ARHGEF38: variants seen among roughly 807,000 people sequenced by gnomAD.
ARHGEF38 encodes the protein Rho guanine nucleotide exchange factor (GEF) 38.
Under a neutral mutation model 79.9 loss-of-function variants are expected in ARHGEF38, and 79 were observed. The ratio of observed to expected loss-of-function variants is 0.99; its 90% CI spans 0.82 to 1.19. ARHGEF38 has a LOEUF of 1.19. ARHGEF38 is among the 50% of genes most tolerant of loss of function. ARHGEF38 has a pLI of 0.00. For missense variants in ARHGEF38, 962 were observed against 907.2 expected (o/e 1.06, Z -0.78); for synonymous variants, 366 against 328.3 (o/e 1.11, Z -1.24).
Position 105,589,239 on chromosome 4 carries a change from A to C in ARHGEF38, c.197-9A>C, listed in dbSNP as rs374314308. ...GAATGCCTCACCTGTATATGTTTTC[A>C]TTTAACAGAAAAGATGACTCCACAG... is the stretch of plus-strand genomic sequence containing the variant. On this transcript the variant is annotated splice_polypyrimidine_tract_variant and intron_variant, in intron 1 of 13. Coordinates refer to ENST00000420470, the MANE Select transcript of ARHGEF38 (RefSeq NM_001242729.2). The C allele has an allele frequency of 6.2e-7, 1 of 1,602,628 alleles. No individual in the cohort carries two copies. The highest frequency in any genetic ancestry group is 8.5e-7 in the Non-Finnish European group (1 of 1,176,666).
At chr4:105,626,949 GCACT>G (rs957797021) in intron 3 of ARHGEF38, among the ~76,000 whole-genome samples, 2 of 151,136 alleles carry the variant, frequency 1.3e-5, no homozygotes, top group African/African-American at 4.9e-5. Flanking sequence ...CTTGCTTTTT[GCACT>G]CACTCAGAGG....
chr4:105,631,200 G>T lies in ARHGEF38; in HGVS notation c.656+155G>T, dbSNP rs1432912012. 4 of 1,281,102 alleles carry T rather than the reference G, an allele frequency of 3.1e-6. No homozygotes were observed. The African/African-American group carries it at 4.6e-5, about 15-fold the overall frequency. The allele number at this position is 1,281,102 out of a possible 1,614,324, so 79.4% of individuals were successfully genotyped here. On this transcript the variant is annotated intron_variant, in intron 4 of 13. Coordinates refer to ENST00000420470, the MANE Select transcript of ARHGEF38 (RefSeq NM_001242729.2). ...CATTCCCTTTATAAAAAGCTGACAT[G>T]CCAGAAGCCCTGATTGACTTTTTTT...
chr4:105,598,602 A>G (rs887917961), intron 2 of ARHGEF38, among the ~76,000 whole-genome samples: 8 of 152,146 alleles, frequency 5.3e-5, no homozygotes, highest in Non-Finnish European at 1.0e-4. Context: ...CTTTACAAAT[A>G]CCGATTTTCA....
intron 5 of ARHGEF38, among the ~76,000 whole-genome samples, chr4:105,643,138 T>G (rs1729691115): frequency 6.6e-6 from 1 of 151,242 alleles, no homozygotes; most frequent in African/African-American, 2.4e-5. Context: ...TGTTAGTTTT[T>G]TTTTTTCAGT....
chr4:105,645,376 G>A lies in ARHGEF38; in HGVS notation c.863G>A (p.Arg288Lys). ...GTTAACATCAATGAACTTAAAAGAAGGAAAGATTTAGGTAGGAAGAGACAT... is the reference window on the plus strand; with the variant it reads ...GTTAACATCAATGAACTTAAAAGAAAGAAAGATTTAGGTAGGAAGAGACAT... The part of the protein sequence containing the change: ...INVNINELKR[R>K]KDLVLKYKKN... The change falls in exon 6 of 14, where the codon AGG (arginine) becomes AAG (lysine). Residue 288 changes from arginine (R) to lysine (K), a missense_variant. Physicochemically the swap from Arg to Lys is conservative, Grantham distance 26. Transcript: ENST00000420470. The A allele has an allele frequency of 6.6e-7, 1 of 1,524,446 alleles. No individual in the cohort carries two copies. Among genetic ancestry groups the A allele is most frequent in the Non-Finnish European group, 8.8e-7 (1 of 1,142,692 alleles). 94.4% of individuals were successfully genotyped at this position (1,524,446 alleles called of 1,614,324 possible). A position where few individuals can be genotyped will look rare whatever the true frequency, so the allele number is the denominator to read the frequency against.
intron 1 of ARHGEF38, chr4:105,563,393 G>A (rs1013195116): frequency 3.3e-5 from 5 of 152,212 alleles, no homozygotes; most frequent in African/African-American, 1.2e-4. Flanking sequence ...TGTATTTGGG[G>A]ATTTCTAAAT....
intron 2 of ARHGEF38, among the ~76,000 whole-genome samples, chr4:105,591,242 GT>G (rs1231931621): frequency 6.6e-6 from 1 of 151,722 alleles, no homozygotes; most frequent in East Asian, 1.9e-4. Flanking sequence ...GTTTTGTTTT[GT>G]TTTGTGACAG....
chr4:105,567,661 C>T (rs2110414455), intron 1 of ARHGEF38, among the ~76,000 whole-genome samples: 1 of 152,264 alleles, frequency 6.6e-6, no homozygotes, highest in East Asian at 1.9e-4. Context: ...CTAGATTATA[C>T]ATATCTTGAT....
intron 6 of ARHGEF38, among the ~76,000 whole-genome samples, chr4:105,646,159 ATT>A (rs1415935847): frequency 6.6e-6 from 1 of 152,054 alleles, no homozygotes; most frequent in African/African-American, 2.4e-5. Context: ...CACTTTATTT[ATT>A]TTTGTTTTAT....
At chr4:105,639,190 C>G (rs17036041) in intron 5 of ARHGEF38, among the ~76,000 whole-genome samples, 2 of 151,648 alleles carry the variant, frequency 1.3e-5, no homozygotes, top group Non-Finnish European at 1.5e-5. Flanking sequence ...TCATTTCTAA[C>G]GAATGATGTT....
At chr4:105,573,030 A>G (rs1437599268) in intron 1 of ARHGEF38, among the ~76,000 whole-genome samples, 4 of 144,464 alleles carry the variant, frequency 2.8e-5, no homozygotes, top group African/African-American at 1.0e-4. Flanking sequence ...ACCTTTGTAT[A>G]TTTTCTTTGG....
chr4:105,586,373 T>C (rs571404674), intron 1 of ARHGEF38, among the ~76,000 whole-genome samples: 2 of 151,976 alleles, frequency 1.3e-5, no homozygotes, highest in Non-Finnish European at 2.9e-5. Flanking sequence ...CTCTGAGAGA[T>C]TTTTACACCT....
intron 3 of ARHGEF38, among the ~76,000 whole-genome samples, chr4:105,628,039 A>G (rs1323735340): frequency 6.6e-6 from 1 of 152,184 alleles, no homozygotes; most frequent in African/African-American, 2.4e-5. Context: ...GTAAAAAAAA[A>G]AAAGATTCTT....
chr4:105,646,887 T>A (rs1372307044), intron 6 of ARHGEF38, among the ~76,000 whole-genome samples: 1 of 152,136 alleles, frequency 6.6e-6, no homozygotes, highest in Non-Finnish European at 1.5e-5. Flanking sequence ...AATATGATAC[T>A]ATTTTATAAA....
chr4:105,599,341 G>T (rs1727723092), intron 2 of ARHGEF38, among the ~76,000 whole-genome samples: 1 of 152,120 alleles, frequency 6.6e-6, no homozygotes, highest in African/African-American at 2.4e-5. Context: ...ATCAGAATCT[G>T]CTGGACCAAG....
At chr4:105,562,265 C>T (rs917608735) in intron 1 of ARHGEF38, among the ~76,000 whole-genome samples, 1 of 152,136 alleles carries the variant, frequency 6.6e-6, no homozygotes, top group African/African-American at 2.4e-5. Context: ...CTACTTCATT[C>T]TATTTTTGGC....
intron 8 of ARHGEF38, among the ~76,000 whole-genome samples, chr4:105,655,109 A>C (rs1730267377): frequency 6.6e-6 from 1 of 152,218 alleles, no homozygotes; most frequent in African/African-American, 2.4e-5. Flanking sequence ...CAGTTATAAC[A>C]GCCAGAGAGT....
chr4:105,558,053 C>T (rs1440326006), intron 1 of ARHGEF38, among the ~76,000 whole-genome samples: 3 of 152,088 alleles, frequency 2.0e-5, no homozygotes, highest in Non-Finnish European at 4.4e-5. Flanking sequence ...TTTGCAAAGG[C>T]TATTGTATCA....
intron 8 of ARHGEF38, among the ~76,000 whole-genome samples, chr4:105,655,332 G>A (rs182699667): frequency 1.3e-5 from 2 of 152,258 alleles, no homozygotes; most frequent in East Asian, 3.9e-4. Flanking sequence ...GCAAGCTAAA[G>A]AATAGCTAAT....
Sources: allele counts gnomAD v4.1 joint callset (sites outside exome capture counted in the v4.1 genomes callset), GRCh38; gene constraint gnomAD v4.1.1; transcripts MANE v1.5; gene names NCBI Gene and HGNC (gene_info 2026-07-23, HGNC 2026-07-21).